Variants in LRGUK observed in about 807,000 individuals in gnomAD.
LRGUK encodes the protein leucine-rich repeat and guanylate kinase domain-containing protein.
In LRGUK, 65 loss-of-function variants were observed where a neutral mutation model predicts 76.0. That is an observed-to-expected ratio of 0.85 (90% confidence interval 0.70 to 1.05). The LOEUF (loss-of-function observed/expected upper bound fraction) is 1.05, where lower values mean the gene tolerates loss of function less well. Among genes scored for constraint, LRGUK ranks in the 50% least tolerant of loss-of-function variants. The pLI is 0.00. For missense variants in LRGUK, 758 were observed against 732.8 expected, an observed-to-expected ratio of 1.03 and a Z score of -0.40; for synonymous variants, 268 against 265.6, an observed-to-expected ratio of 1.01 and a Z score of -0.09.
chr7:134,261,035 G>A (rs1269350997), intron 19 of LRGUK, among the ~76,000 whole-genome samples: 1 of 152,102 alleles, frequency 6.6e-6, no homozygotes, highest in Non-Finnish European at 1.5e-5. Context: ...CCTGGACTGG[G>A]CATTTGTTTG....
At chr7:134,167,831 T>C (rs1414830482) in intron 7 of LRGUK, among the ~76,000 whole-genome samples, 3 of 152,220 alleles carry the variant, frequency 2.0e-5, no homozygotes, top group African/African-American at 7.2e-5. Context: ...AAAAAAGGCC[T>C]CTGACCCCGT....
At chr7:134,150,479 C>CAAAAA (rs11403705) in intron 5 of LRGUK, among the ~76,000 whole-genome samples, 10 of 134,514 alleles carry the variant, frequency 7.4e-5, no homozygotes, top group Non-Finnish European at 9.4e-5. Flanking sequence ...AACAAGCAAA[C>CAAAAA]AAAAAAAAAA....
intron 1 of LRGUK, among the ~76,000 whole-genome samples, chr7:134,136,782 T>C (rs1797557059): frequency 6.6e-6 from 1 of 152,172 alleles, no homozygotes; most frequent in African/African-American, 2.4e-5. Flanking sequence ...TTTGAATGCC[T>C]AATGCAAGTG....
chr7:134,174,973 A>G (rs1365580689), intron 8 of LRGUK, among the ~76,000 whole-genome samples: 1 of 152,200 alleles, frequency 6.6e-6, no homozygotes, highest in Non-Finnish European at 1.5e-5. Context: ...AAGATTGCAG[A>G]ACAATGTTCT....
intron 2 of LRGUK, among the ~76,000 whole-genome samples, chr7:134,138,611 C>T (rs1488674304): frequency 6.6e-6 from 1 of 152,110 alleles, no homozygotes; most frequent in Non-Finnish European, 1.5e-5. Context: ...TATTACTGTT[C>T]TAGCGGCCTT....
At chr7:134,196,891 G>A in intron 12 of LRGUK, 101 bp from the exon 13 acceptor site, 2 of 603,106 alleles carry the variant, frequency 3.3e-6, no homozygotes, top group South Asian at 5.6e-5. Flanking sequence ...AATTTGTAAG[G>A]TTTTTGAAAT....
chr7:134,174,626 A>G (rs763818696), exon 8 of LRGUK: 1 of 1,586,282 alleles, frequency 6.3e-7, no homozygotes, highest in Non-Finnish European at 8.7e-7. Flanking sequence ...CTTCTAGAAA[A>G]TCCAATTCAG....
the LRGUK span, among the ~76,000 whole-genome samples, chr7:134,270,469 G>C: frequency 6.6e-6 from 1 of 151,962 alleles, no homozygotes; most frequent in East Asian, 1.9e-4. Flanking sequence ...AGCCCATTTT[G>C]TATCCTTTCT....
chr7:134,183,296 A>G (rs1418332336), intron 10 of LRGUK, among the ~76,000 whole-genome samples: 2 of 152,248 alleles, frequency 1.3e-5, no homozygotes, highest in Admixed American at 6.5e-5. Flanking sequence ...CCTGGCACAT[A>G]GTAATTGCTC....
intron 19 of LRGUK, among the ~76,000 whole-genome samples, chr7:134,262,970 CAAAA>C (rs3030443): frequency 5.6e-5 from 5 of 89,964 alleles, no homozygotes; most frequent in Admixed American, 3.4e-4. Flanking sequence ...GACCTGGTCT[CAAAA>C]AAAAAAAAAA....
chr7:134,258,211 G>T (rs200745806), intron 18 of LRGUK, 46 bp from the exon 19 acceptor site: 2 of 1,611,342 alleles, frequency 1.2e-6, no homozygotes, highest in South Asian at 1.1e-5. Flanking sequence ...CATTAGTAGC[G>T]AATAGTTTGG....
chr7:134,246,510 C>T (rs1290658915), intron 16 of LRGUK, among the ~76,000 whole-genome samples: 1 of 152,202 alleles, frequency 6.6e-6, no homozygotes, highest in Non-Finnish European at 1.5e-5. Flanking sequence ...TATGCTAGCC[C>T]CCAAGGCTAA....
chr7:134,161,866 AT>A (rs368596690), intron 6 of LRGUK, among the ~76,000 whole-genome samples: 19,921 of 151,268 alleles, frequency 0.13, 1,658 homozygotes, highest in East Asian at 0.32. Context: ...AATTTTTTGT[AT>A]TTTTTTAGTA....
chr7:134,234,828 CA>C (rs1801978242), intron 16 of LRGUK, among the ~76,000 whole-genome samples: 1 of 151,930 alleles, frequency 6.6e-6, no homozygotes. Flanking sequence ...TCACTTCTTC[CA>C]AAACTGAAAT....
chr7:134,260,876 A>C (rs1802705843), intron 19 of LRGUK, among the ~76,000 whole-genome samples: 1 of 152,136 alleles, frequency 6.6e-6, no homozygotes, highest in Admixed American at 6.5e-5. Flanking sequence ...GAACATTGCA[A>C]ATTAGATCTG....
At chr7:134,239,028 C>T (rs1802073996) in intron 16 of LRGUK, among the ~76,000 whole-genome samples, 1 of 152,150 alleles carries the variant, frequency 6.6e-6, no homozygotes, top group South Asian at 2.1e-4. Context: ...TAGCAAGGGG[C>T]CCCAGGGGGT....
intron 8 of LRGUK, 133 bp from the exon 9 acceptor site, chr7:134,176,844 T>TA: frequency 1.7e-6 from 1 of 577,746 alleles, no homozygotes; most frequent in Non-Finnish European, 3.1e-6. Context: ...GTGAAATGCA[T>TA]AGTCCTGTGA....
intron 19 of LRGUK, among the ~76,000 whole-genome samples, chr7:134,262,689 C>T (rs1279288291): frequency 6.6e-6 from 1 of 151,694 alleles, no homozygotes; most frequent in Non-Finnish European, 1.5e-5. Flanking sequence ...AAGGAAGGGC[C>T]AGACTCAGTG....
intron 4 of LRGUK, among the ~76,000 whole-genome samples, chr7:134,144,982 A>T (rs149282698): frequency 6.6e-6 from 1 of 152,036 alleles, no homozygotes; most frequent in African/African-American, 2.4e-5. Context: ...CATGACCCCT[A>T]CCCCAGGAAA....
Sources: allele counts gnomAD v4.1 joint callset (sites outside exome capture counted in the v4.1 genomes callset), GRCh38; gene constraint gnomAD v4.1.1; transcripts MANE v1.5; gene names NCBI Gene and HGNC (gene_info 2026-07-23, HGNC 2026-07-21).